Variants in SLC19A2 observed in about 807,000 individuals in gnomAD.
SLC19A2 encodes the protein solute carrier family 19 member 2, also known as thiamine transporter 1.
Under a neutral mutation model 44.7 loss-of-function variants are expected in SLC19A2, and 27 were observed. That is an observed-to-expected ratio of 0.60 (90% CI 0.45 to 0.83). The LOEUF (loss-of-function observed/expected upper bound fraction) is 0.83. Among genes scored for constraint, SLC19A2 ranks in the 40% least tolerant of loss-of-function variants. The pLI, the probability that SLC19A2 is intolerant of heterozygous loss-of-function variation, is 0.00. For missense variants in SLC19A2, 566 were observed against 613.7 expected (o/e 0.92, Z 0.82); for synonymous variants, 239 against 243.6 (o/e 0.98, Z 0.18).
chr1:169,485,346 G>A (rs1036632505), intron 1 of SLC19A2, among the ~76,000 whole-genome samples: 4 of 152,238 alleles, frequency 2.6e-5, no homozygotes, highest in Non-Finnish European at 4.4e-5. Flanking sequence ...GCCTCTGGAC[G>A]CGTGTTCTGA....
rs769397647 is a variant in SLC19A2 at position 169,465,857 on chromosome 1, T to C, written c.1486A>G (p.Thr496Ala). The C allele has an allele frequency of 8.4e-5, 136 of 1,613,888 alleles. No individual in the cohort carries two copies. The highest frequency in any genetic ancestry group is 1.4e-5 in the Non-Finnish European group (16 of 1,179,930). Reference sequence around the variant, plus strand: ...AGCCCTTCAGCAGTATATTATGAAGTGGTTACTTGAGAACTTGATTGTGGA... The same window carrying C: ...AGCCCTTCAGCAGTATATTATGAAGCGGTTACTTGAGAACTTGATTGTGGA... The part of the protein sequence containing the change: ...EDPQSSSQVT[T>A]S Residue 496 changes from threonine to alanine, a missense_variant, in exon 6 of 6, where the codon ACT (threonine) becomes GCT (alanine). Transcript: ENST00000236137.
chr1:169,469,965 C>A lies in SLC19A2; in HGVS notation c.1029G>T (p.Leu343=). 1 of 1,613,354 alleles carries A rather than the reference C, an allele frequency of 6.2e-7. No individual in the cohort carries two copies. The highest frequency in any genetic ancestry group is 1.1e-5 in the South Asian group (1 of 91,020). The change falls in exon 3 of 6, where the codon CTG becomes CTT. Residue 343 remains leucine (L), a splice_region_variant and synonymous_variant. Coordinates refer to ENST00000236137, the MANE Select transcript of SLC19A2 (RefSeq NM_006996.3). ...NGGVEAVSTL[L]GAVAVFAVGY... ...CCTCTATTATCCTGCATTGCTTACC[C>A]AGTAAGGTTGAAACGGCCTCCACGC... is the stretch of plus-strand genomic sequence containing the variant.
intron 2 of SLC19A2, among the ~76,000 whole-genome samples, chr1:169,476,672 A>G (rs936582732): frequency 1.3e-5 from 2 of 152,124 alleles, no homozygotes; most frequent in African/African-American, 4.8e-5. Flanking sequence ...GTGAATCGAG[A>G]TCGCACCACT....
At chr1:169,467,013 G>A (rs1658009559) in intron 5 of SLC19A2, among the ~76,000 whole-genome samples, 3 of 152,112 alleles carry the variant, frequency 2.0e-5, no homozygotes, top group South Asian at 4.1e-4. Context: ...AATCATGGCA[G>A]TTAGGGTTTC....
intron 1 of SLC19A2, among the ~76,000 whole-genome samples, chr1:169,478,592 C>CA (rs1293411210): frequency 1.5e-5 from 2 of 131,338 alleles, no homozygotes; most frequent in East Asian, 5.0e-4. Context: ...AGGCTGGTCT[C>CA]AAACTCCTGG....
intron 1 of SLC19A2, among the ~76,000 whole-genome samples, chr1:169,478,342 T>A (rs1359370768): frequency 6.6e-6 from 1 of 151,840 alleles, no homozygotes; most frequent in African/African-American, 2.4e-5. Flanking sequence ...AAACCCTTTT[T>A]TTTTTTTTGG....
At chr1:169,471,202 T>C (rs138822699) in intron 2 of SLC19A2, among the ~76,000 whole-genome samples, 1 of 152,126 alleles carries the variant, frequency 6.6e-6, no homozygotes, top group Non-Finnish European at 1.5e-5. Context: ...CACAATTTCA[T>C]TTACTATAAA....
At position 169,485,783 on chromosome 1, in the gene SLC19A2, G is replaced by C. The variant is rs1231076910; in HGVS notation, c.-17C>G. The C allele has an allele frequency of 6.6e-7, 1 of 1,523,846 alleles. No homozygotes were observed. The highest frequency in any genetic ancestry group is 8.8e-7 in the Non-Finnish European group (1 of 1,141,496). 94.4% of individuals were successfully genotyped at this position (1,523,846 alleles called of 1,614,324 possible). Reference sequence around the variant, plus strand: ...CACATCCATCCGGGGCGCGAGGGGAGGGGACCCGGCCCGGCCCCTTCCTTC... The same window carrying C: ...CACATCCATCCGGGGCGCGAGGGGACGGGACCCGGCCCGGCCCCTTCCTTC... On this transcript the variant is annotated 5_prime_UTR_variant, in exon 1 of 6. Coordinates refer to ENST00000236137, the MANE Select transcript of SLC19A2 (RefSeq NM_006996.3).
intron 1 of SLC19A2, among the ~76,000 whole-genome samples, chr1:169,479,377 G>A (rs1298855255): frequency 6.6e-6 from 1 of 152,138 alleles, no homozygotes; most frequent in African/African-American, 2.4e-5. Flanking sequence ...TTTTAAAATT[G>A]GGATATAGTA....
Position 169,468,336 on chromosome 1 carries a change from A to G in SLC19A2, c.1224-84T>C, listed in dbSNP as rs146604662. 1.7e-4 allele frequency: 209 copies of G among 1,209,122 alleles called. No individual in the cohort carries two copies. The East Asian group carries it at 5.0e-3, about 29-fold the overall frequency. The allele number at this position is 1,209,122 out of a possible 1,614,324, so 74.9% of individuals were successfully genotyped here. ...TTATTCTAAATAAAAGTAAACATTT[A>G]TCTTTAAACATGAAGAGTCCTTCTT... On this transcript the variant is annotated intron_variant, in intron 4 of 5. Coordinates refer to ENST00000236137, the MANE Select transcript of SLC19A2 (RefSeq NM_006996.3).
rs951456169 is a variant in SLC19A2, at chr1:169,465,773, G to A, written c.*76C>T. ...TGCACATTCATAAATATATGTCTAC[G>A]CTTTAAAAAATCAAACACATCCAGG... is the stretch of plus-strand genomic sequence containing the variant. On this transcript the variant is annotated 3_prime_UTR_variant, in exon 6 of 6. Transcript: ENST00000236137. 75 of 1,508,968 alleles carry A rather than the reference G, an allele frequency of 5.0e-5. No individual in the cohort carries two copies. Among genetic ancestry groups the A allele is most frequent in the Admixed American group, 1.3e-4 (8 of 59,800 alleles). 93.5% of individuals were successfully genotyped at this position (1,508,968 alleles called of 1,614,324 possible). A position where few individuals can be genotyped will look rare whatever the true frequency, so the allele number is the denominator to read the frequency against.
At chr1:169,478,667 G>T (rs982724847) in intron 1 of SLC19A2, among the ~76,000 whole-genome samples, 4 of 150,886 alleles carry the variant, frequency 2.7e-5, no homozygotes, top group Non-Finnish European at 1.5e-5. Context: ...TGAGCCATCT[G>T]GCCTAGCCTC....
chr1:169,466,279 T>C (rs1187804663), intron 5 of SLC19A2, among the ~76,000 whole-genome samples: 3 of 152,212 alleles, frequency 2.0e-5, no homozygotes, highest in African/African-American at 7.2e-5. Context: ...ACAGCGATGT[T>C]GGTACCCATC....
chr1:169,485,868 C>T lies in SLC19A2; in HGVS notation c.-102G>A, dbSNP rs564345385. On this transcript the variant is annotated 5_prime_UTR_variant, in exon 1 of 6. Transcript: ENST00000236137. ...TTGTAACCGCGAGTGACGCCTTCTC[C>T]CTGTAAGGCCAGGACGTTCTGGACT... The T allele has an allele frequency of 3.0e-6, 4 of 1,315,206 alleles. No individual in the cohort carries two copies. The highest frequency in any genetic ancestry group is 5.1e-5 in the East Asian group (2 of 39,510). 81.5% of individuals were successfully genotyped at this position (1,315,206 alleles called of 1,614,324 possible).
intron 2 of SLC19A2, 36 bp downstream of exon 2, chr1:169,477,119 T>C: frequency 1.9e-6 from 3 of 1,611,946 alleles, no homozygotes; most frequent in African/African-American, 1.3e-5. Context: ...CCAGCCCCCA[T>C]AGTAGCAATT....
At chr1:169,485,522 G>A in intron 1 of SLC19A2, 41 bp downstream of exon 1, 1 of 1,551,238 alleles carries the variant, frequency 6.4e-7, no homozygotes, top group East Asian at 2.4e-5. Context: ...CCCGCAGGCC[G>A]GTCGCCCGCC....
chr1:169,469,935 A>C (rs764896985), intron 3 of SLC19A2, 29 bp downstream of exon 3: 4 of 1,597,704 alleles, frequency 2.5e-6, no homozygotes, highest in South Asian at 2.2e-5. Flanking sequence ...CTCCCCCACC[A>C]CGACCCTCTA....
chr1:169,473,547 G>C (rs1354524075), intron 2 of SLC19A2, among the ~76,000 whole-genome samples: 1 of 151,876 alleles, frequency 6.6e-6, no homozygotes, highest in Non-Finnish European at 1.5e-5. Context: ...TGCCCAGCCT[G>C]AGTTGGAAAG....
chr1:169,472,054 T>C (rs1384914291), intron 2 of SLC19A2, among the ~76,000 whole-genome samples: 5 of 152,172 alleles, frequency 3.3e-5, no homozygotes, highest in African/African-American at 9.7e-5. Context: ...CTTGATGAAT[T>C]TGCATAAGAT....
Sources: gnomAD v4.1 joint callset for allele counts (sites outside exome capture counted in the v4.1 genomes callset) on GRCh38, gnomAD v4.1.1 for gene constraint, MANE v1.5 for transcripts, NCBI Gene and HGNC (gene_info 2026-07-23, HGNC 2026-07-21) for gene names.